The following EXOC4 variants were observed in gnomAD, a reference collection of about 807,000 sequenced individuals.
The protein encoded by EXOC4 is SEC8-like 1.
EXOC4 carries 71 observed loss-of-function variants against 107.2 expected under a neutral mutation model. That is an observed-to-expected ratio of 0.66 (90% CI 0.55 to 0.81). The LOEUF (loss-of-function observed/expected upper bound fraction) is 0.81, where lower values mean the gene tolerates loss of function less well. Ranked by LOEUF, EXOC4 falls within the 30% of genes least tolerant of loss-of-function variation. EXOC4 has a pLI of 0.00. For missense variants in EXOC4, 1,108 were observed against 1,189.6 expected, an observed-to-expected ratio of 0.93 and a Z score of 1.01; for synonymous variants, 456 against 441.2, an observed-to-expected ratio of 1.03 and a Z score of -0.42.
rs1215232820 is a variant in EXOC4 at position 134,064,716 on chromosome 7, G to A, written c.*188G>A. The stretch of plus-strand genomic sequence containing the variant: ...TGCTAAAGGAAGGCGACAGTACAGA[G>A]TGTTTTGGTTGAACAACTACTTTAA... On this transcript the variant is annotated 3_prime_UTR_variant, in exon 18 of 18. Coordinates refer to ENST00000253861, the MANE Select transcript of EXOC4 (RefSeq NM_021807.4). 5.0e-6 allele frequency: 2 copies of A among 403,382 alleles called. No individual in the cohort carries two copies. The highest frequency in any genetic ancestry group is 6.7e-5 in the South Asian group (1 of 14,878). 25.0% of individuals were successfully genotyped at this position (403,382 alleles called of 1,614,324 possible).
At chr7:133,285,091 A>C (rs1472650130) in intron 2 of EXOC4, among the ~76,000 whole-genome samples, 1 of 151,502 alleles carries the variant, frequency 6.6e-6, no homozygotes, top group East Asian at 1.9e-4. Context: ...ATCCCACTAC[A>C]TCCTCTTCCT....
intron 1 of EXOC4, among the ~76,000 whole-genome samples, chr7:133,255,978 CT>C (rs34708213): frequency 9.9e-4 from 142 of 143,984 alleles, no homozygotes; most frequent in Admixed American, 1.2e-3. Context: ...TTCATTATTC[CT>C]TTTTTTTTTT....
At chr7:134,082,182 T>G in the EXOC4 span, among the ~76,000 whole-genome samples, 3 of 9,226 alleles carry the variant, frequency 3.3e-4, no homozygotes, top group Admixed American at 3.6e-3. Context: ...TGGTTGCCCA[T>G]TTTTTTTTTG....
chr7:133,408,179 G>A (rs1247678384), intron 7 of EXOC4, among the ~76,000 whole-genome samples: 3 of 151,298 alleles, frequency 2.0e-5, no homozygotes, highest in African/African-American at 7.3e-5. Flanking sequence ...GATGATGGAG[G>A]TCATGTTAGG....
At chr7:133,516,907 G>C (rs964601288) in intron 9 of EXOC4, among the ~76,000 whole-genome samples, 2 of 151,464 alleles carry the variant, frequency 1.3e-5, no homozygotes, top group South Asian at 2.1e-4. Context: ...ATGTAGATTA[G>C]TCATCACATC....
At chr7:134,083,506 C>CACCA in the EXOC4 span, among the ~76,000 whole-genome samples, 2 of 152,170 alleles carry the variant, frequency 1.3e-5, no homozygotes, top group Non-Finnish European at 2.9e-5. Flanking sequence ...TTCCATATGG[C>CACCA]ACCAACTAGA....
chr7:133,565,897 A>G (rs1800897119), intron 9 of EXOC4, among the ~76,000 whole-genome samples: 1 of 152,184 alleles, frequency 6.6e-6, no homozygotes, highest in Admixed American at 6.5e-5. Context: ...TCTGAGGAGT[A>G]TGTTGACAAT....
intron 12 of EXOC4, among the ~76,000 whole-genome samples, chr7:133,915,425 G>A (rs1799785778): frequency 6.6e-6 from 1 of 152,168 alleles, no homozygotes; most frequent in African/African-American, 2.4e-5. Context: ...TTTCTGTTGG[G>A]GGTAGGAGGT....
rs71162021 is a variant in EXOC4 at position 133,701,997 on chromosome 7, C to CTTTT, written c.1514+71874_1514+71877dup. On this transcript the variant is annotated intron_variant, in intron 10 of 17. Coordinates refer to ENST00000253861, the MANE Select transcript of EXOC4 (RefSeq NM_021807.4). ...TCTTTTTCCTTTTCTTTCTTTCTTT[C>CTTTT]TTTTTTTTTTTTTTTTTTTTTGAGA... Among the ~76,000 whole-genome samples, 360 of 66,496 alleles carry CTTTT rather than the reference C, an allele frequency of 5.4e-3. 3 individuals are homozygous for CTTTT. The highest frequency in any genetic ancestry group is 0.016 in the African/African-American group (296 of 18,576). The allele number at this position is 66,496 out of a possible 152,430, so 43.6% of individuals were successfully genotyped here.
intron 10 of EXOC4, among the ~76,000 whole-genome samples, chr7:133,735,003 G>C (rs1287030281): frequency 7.0e-6 from 1 of 143,112 alleles, no homozygotes; most frequent in East Asian, 2.1e-4. Flanking sequence ...AGGGTCAGGA[G>C]TTTGAGACAA....
intron 10 of EXOC4, among the ~76,000 whole-genome samples, chr7:133,744,859 G>A (rs1795641508): frequency 6.6e-6 from 1 of 152,090 alleles, no homozygotes; most frequent in Non-Finnish European, 1.5e-5. Context: ...AGCCAAACCT[G>A]GACAAAGCTG....
chr7:133,258,324 G>A (rs1490722539), intron 1 of EXOC4, among the ~76,000 whole-genome samples: 2 of 152,084 alleles, frequency 1.3e-5, no homozygotes, highest in Non-Finnish European at 2.9e-5. Context: ...GAGGCCTGTA[G>A]TATTGATGGT....
At chr7:133,610,428 G>GT (rs1802050501) in intron 9 of EXOC4, among the ~76,000 whole-genome samples, 1 of 152,158 alleles carries the variant, frequency 6.6e-6, no homozygotes, top group Non-Finnish European at 1.5e-5. Context: ...TTCTTAGTAA[G>GT]TTTTTGCTTT....
chr7:133,359,227 A>G (rs1193783510), intron 6 of EXOC4, among the ~76,000 whole-genome samples: 6 of 152,186 alleles, frequency 3.9e-5, no homozygotes, highest in Non-Finnish European at 1.5e-5. Flanking sequence ...GTGCTGTCAA[A>G]TGCTTTAAAA....
intron 7 of EXOC4, among the ~76,000 whole-genome samples, chr7:133,414,898 C>A (rs1466916025): frequency 6.6e-6 from 1 of 152,056 alleles, no homozygotes. Flanking sequence ...CAAAGAAAGT[C>A]CGTTCTCTTA....
chr7:133,694,912 T>C (rs1334430837), intron 10 of EXOC4, among the ~76,000 whole-genome samples: 1 of 152,166 alleles, frequency 6.6e-6, no homozygotes, highest in African/African-American at 2.4e-5. Flanking sequence ...AACCTCTGCC[T>C]CCTGGGTTCA....
intron 9 of EXOC4, among the ~76,000 whole-genome samples, chr7:133,564,314 A>T (rs960729998): frequency 1.3e-5 from 2 of 152,030 alleles, no homozygotes; most frequent in African/African-American, 4.8e-5. Context: ...GGTGCCACAC[A>T]CTTTCAAACA....
At chr7:133,759,146 T>A (rs1341153285) in intron 10 of EXOC4, among the ~76,000 whole-genome samples, 1 of 120,888 alleles carries the variant, frequency 8.3e-6, no homozygotes, top group Non-Finnish European at 1.8e-5. Flanking sequence ...ACAAAAGAAT[T>A]TTTTTTTTTT....
At chr7:134,073,959 A>C in the EXOC4 span, among the ~76,000 whole-genome samples, 3 of 152,282 alleles carry the variant, frequency 2.0e-5, no homozygotes, top group South Asian at 6.2e-4. Context: ...TGCCCTCCAC[A>C]GGCAGAGTCT....
Sources: allele counts gnomAD v4.1 joint callset (sites outside exome capture counted in the v4.1 genomes callset), GRCh38; gene constraint gnomAD v4.1.1; transcripts MANE v1.5; gene names NCBI Gene and HGNC (gene_info 2026-07-23, HGNC 2026-07-21).